The following CLASP1 variants were observed in gnomAD, a reference collection of about 807,000 sequenced individuals.
CLASP1 encodes CLIP-associating protein 1.
Under a neutral mutation model 192.3 loss-of-function variants are expected in CLASP1, and 38 were observed. That is an observed-to-expected ratio of 0.20 (90% CI 0.15 to 0.26). The LOEUF (loss-of-function observed/expected upper bound fraction) is 0.26. CLASP1 is among the 10% of genes least tolerant of loss of function. The pLI is 1.00. For missense variants in CLASP1, 1,433 were observed against 1,932.5 expected (o/e 0.74, Z 4.85); for synonymous variants, 691 against 712.8 (o/e 0.97, Z 0.49).
At chr2:121,524,311 G>A (rs1452471066) in intron 6 of CLASP1, among the ~76,000 whole-genome samples, 1 of 151,980 alleles carries the variant, frequency 6.6e-6, no homozygotes, top group Non-Finnish European at 1.5e-5. Flanking sequence ...AAACCAAAAG[G>A]GAGGAAGGAT....
At chr2:121,420,442 A>G (rs1164495048) in intron 22 of CLASP1, among the ~76,000 whole-genome samples, 1 of 152,228 alleles carries the variant, frequency 6.6e-6, no homozygotes, top group African/African-American at 2.4e-5. Flanking sequence ...TCATCCTTAG[A>G]GAACCAATGC....
intron 39 of CLASP1, among the ~76,000 whole-genome samples, chr2:121,342,672 T>C (rs1052144068): frequency 6.6e-6 from 1 of 152,150 alleles, no homozygotes; most frequent in African/African-American, 2.4e-5. Context: ...TGGCTGGGCA[T>C]GGTCACGCCT....
chr2:121,410,731 C>A, intron 24 of CLASP1, 135 bp downstream of exon 25: 4 of 556,950 alleles, frequency 7.2e-6, no homozygotes, highest in South Asian at 5.5e-5. Flanking sequence ...ATAAATTTAC[C>A]CAACATTAAC....
chr2:121,393,512 T>TA (rs1454382221), intron 30 of CLASP1, among the ~76,000 whole-genome samples: 1 of 152,222 alleles, frequency 6.6e-6, no homozygotes, highest in African/African-American at 2.4e-5. Context: ...TTTTAGATCT[T>TA]AGAGTAGTGA....
intron 6 of CLASP1, 88 bp from the exon 7 acceptor site, chr2:121,515,850 A>G: frequency 1.1e-6 from 1 of 936,410 alleles, no homozygotes; most frequent in Non-Finnish European, 1.7e-6. Context: ...TACCACCCCA[A>G]TTTATCACCA....
intron 6 of CLASP1, 107 bp downstream of exon 6, chr2:121,525,738 T>G: frequency 1.4e-6 from 1 of 712,354 alleles, no homozygotes; most frequent in Non-Finnish European, 2.5e-6. Context: ...TAATCATCAG[T>G]GTTCTGTGAA....
intron 34 of CLASP1, among the ~76,000 whole-genome samples, chr2:121,374,707 G>A (rs941327506): frequency 6.6e-6 from 1 of 152,204 alleles, no homozygotes; most frequent in Non-Finnish European, 1.5e-5. Flanking sequence ...TTATTTTGGA[G>A]CTTTAAGATT....
chr2:121,538,763 C>T (rs1363549761), intron 2 of CLASP1, among the ~76,000 whole-genome samples: 2 of 148,958 alleles, frequency 1.3e-5, no homozygotes, highest in East Asian at 2.0e-4. Context: ...CCAGCCTGGG[C>T]GACAGAGCAA....
chr2:121,642,318 C>T lies in CLASP1; in HGVS notation c.-286+7054G>A, dbSNP rs564162980. Among the ~76,000 whole-genome samples, 8 of 147,710 alleles carry T rather than the reference C, an allele frequency of 5.4e-5. No individual in the cohort carries two copies. In the East Asian group the frequency reaches 1.4e-3, roughly 26 times the overall value. On this transcript the variant is annotated intron_variant, in intron 1 of 39. Coordinates refer to ENST00000263710, the Ensembl canonical transcript of CLASP1. The stretch of plus-strand genomic sequence containing the variant: ...TGGCTAATCCCAGCTACTCAGGAGG[C>T]TGAGGTGGAAGGTCAAGGCTGCAGT...
At position 121,425,360 on chromosome 2, in the gene CLASP1, T is replaced by C. The variant is rs1466960527; in HGVS notation, c.2045-54A>G. ...AATAGATGTAAATGTAGGAATGAAC[T>C]ATAATACTTTCAAAAGCCAGATTTT... On this transcript the variant is annotated intron_variant, in intron 21 of 39. Transcript: ENST00000263710. 14 of 1,480,088 alleles carry C rather than the reference T, an allele frequency of 9.5e-6. No individual in the cohort carries two copies. The South Asian group carries it at 1.8e-4, about 19-fold the overall frequency. 91.7% of individuals were successfully genotyped at this position (1,480,088 alleles called of 1,614,324 possible).
chr2:121,561,689 C>T (rs2059102580), intron 2 of CLASP1, among the ~76,000 whole-genome samples: 1 of 152,128 alleles, frequency 6.6e-6, no homozygotes. Context: ...GGCTTCTGAG[C>T]CAGGGGTTGG....
At chr2:121,450,523 T>C (rs1462080204) in intron 16 of CLASP1, among the ~76,000 whole-genome samples, 1 of 152,156 alleles carries the variant, frequency 6.6e-6, no homozygotes, top group Non-Finnish European at 1.5e-5. Flanking sequence ...CCACAGATGC[T>C]TGCAAAGAAG....
At chr2:121,358,048 C>T (rs1265337785) in intron 37 of CLASP1, among the ~76,000 whole-genome samples, 1 of 152,228 alleles carries the variant, frequency 6.6e-6, no homozygotes, top group African/African-American at 2.4e-5. Flanking sequence ...TTGAAGACTA[C>T]AGTACACCAC....
intron 33 of CLASP1, 24 bp from the exon 35 acceptor site, chr2:121,377,673 T>A (rs1293836963): frequency 1.3e-6 from 2 of 1,518,464 alleles, no homozygotes; most frequent in East Asian, 4.8e-5. Flanking sequence ...ATATTTTATT[T>A]CTTAAATCGA....
intron 34 of CLASP1, among the ~76,000 whole-genome samples, chr2:121,369,519 G>A (rs1439465127): frequency 6.6e-6 from 1 of 152,006 alleles, no homozygotes; most frequent in Non-Finnish European, 1.5e-5. Flanking sequence ...AAAGAGAAGG[G>A]TTTTAAAAAT....
chr2:121,588,679 GTAA>G (rs1252462908), intron 2 of CLASP1, among the ~76,000 whole-genome samples: 1 of 152,164 alleles, frequency 6.6e-6, no homozygotes, highest in African/African-American at 2.4e-5. Context: ...CACACAAATA[GTAA>G]GTAGAGAGCT....
At chr2:121,367,629 T>C in exon 35 of CLASP1, 2 of 1,614,000 alleles carry the variant, frequency 1.2e-6, no homozygotes, top group Non-Finnish European at 1.7e-6. Context: ...CACAGCCTCT[T>C]TCAGGGCGGT....
chr2:121,367,762 G>A lies in CLASP1; in HGVS notation c.3712C>T (p.Arg1238Trp), dbSNP rs755382948. 62 of 1,613,798 alleles carry A rather than the reference G, an allele frequency of 3.8e-5. No individual in the cohort carries two copies. Among genetic ancestry groups the A allele is most frequent in the Non-Finnish European group, 4.1e-5 (48 of 1,179,896 alleles). The stretch of plus-strand genomic sequence containing the variant: ...GAGGTCTTGTTATCCAGAGCTGTCC[G>A]GCCTCCTTCTACTTCACTACCCCCC... Residue 1238 changes from arginine to tryptophan, a missense_variant, in exon 35 of 40, where the codon CGG (arginine) becomes TGG (tryptophan). By Grantham distance (101) the Arg-to-Trp change is moderately radical. This residue lies in a region of CLASP1 where 336 missense variants were observed against 358.0 expected (regional missense o/e 0.94). Coordinates refer to ENST00000263710, the Ensembl canonical transcript of CLASP1.
intron 2 of CLASP1, among the ~76,000 whole-genome samples, chr2:121,573,156 T>C (rs2060141177): frequency 1.3e-5 from 2 of 152,066 alleles, no homozygotes; most frequent in Admixed American, 1.3e-4. Flanking sequence ...GATGGGGTTT[T>C]GCCATGTTGC....
Sources: allele counts gnomAD v4.1 joint callset (sites outside exome capture counted in the v4.1 genomes callset), GRCh38; gene constraint gnomAD v4.1.1; regional missense constraint gnomAD v4.1.1; transcripts MANE v1.5; gene names NCBI Gene and HGNC (gene_info 2026-07-23, HGNC 2026-07-21).